The following PELP1 variants were observed in gnomAD, a reference collection of about 807,000 sequenced individuals.
The protein encoded by PELP1 is proline-, glutamic acid- and leucine-rich protein 1.
Under a neutral mutation model 95.5 loss-of-function variants are expected in PELP1, and 32 were observed. That is an observed-to-expected ratio of 0.34 (90% CI 0.25 to 0.45). The LOEUF (loss-of-function observed/expected upper bound fraction) is 0.45. PELP1 is among the 20% of genes least tolerant of loss of function. The probability of loss-of-function intolerance (pLI) is 1.00; values close to 1 mark genes in which losing one functional copy is unlikely to be tolerated. For synonymous variants in PELP1, 668 were observed against 600.1 expected (o/e 1.11, Z -1.65); for missense variants, 1,358 against 1,444.8 (o/e 0.94, Z 0.97).
intron 13 of PELP1, among the ~76,000 whole-genome samples, chr17:4,674,046 C>T (rs557979834): frequency 3.3e-5 from 5 of 152,174 alleles, no homozygotes; most frequent in African/African-American, 9.7e-5. Context: ...TCAGTGGTTA[C>T]GGTGAGAGCA....
rs187862547 is a variant in PELP1 at position 4,673,529 on chromosome 17, C to A, written c.1639-73G>T. 1.3e-3 allele frequency: 2,092 copies of A among 1,561,028 alleles called. 4 individuals carry two copies. Among genetic ancestry groups the A allele is most frequent in the South Asian group, 2.7e-3 (240 of 89,672 alleles). On this transcript the variant is annotated intron_variant, in intron 14 of 16. Transcript: ENST00000572293. This position sits in a 1 kb window ranked among gnomAD's most constrained non-coding sequence, Gnocchi z 5.7. ...CCTTCTCCAGAGCCTACTCCCAGGT[C>A]GGAATGGACCCACCTCTGGGCCACA... is the stretch of plus-strand genomic sequence containing the variant.
chr17:4,672,672 T>C lies in PELP1; in HGVS notation c.2319A>G (p.Ala773=). The C allele has an allele frequency of 6.2e-7, 1 of 1,613,548 alleles. No individual in the cohort carries two copies. Residue 773 remains alanine, a synonymous_variant, in exon 16 of 17, where the codon GCA becomes GCG. Coordinates refer to ENST00000572293, the MANE Select transcript of PELP1 (RefSeq NM_014389.3). ...TTTCCAAGGAGATCTCCACATCAGA[T>C]GCCTCCTCCTTGTCATAGTGGACAA... The part of the protein sequence containing the change: ...PAFVHYDKEE[A]SDVEISLESD...
chr17:4,686,051 C>T (rs1239560901), intron 3 of PELP1, among the ~76,000 whole-genome samples: 1 of 152,100 alleles, frequency 6.6e-6, no homozygotes, highest in South Asian at 2.1e-4. Context: ...GAGCCGAGAC[C>T]GCGCCACTGC....
At chr17:4,677,132 A>AT in intron 5 of PELP1, among the ~76,000 whole-genome samples, 1 of 152,192 alleles carries the variant, frequency 6.6e-6, no homozygotes, top group East Asian at 1.9e-4. Flanking sequence ...GTACTAAAAA[A>AT]CAGTCTCCAC....
intron 13 of PELP1, among the ~76,000 whole-genome samples, chr17:4,674,204 T>C (rs1047455751): frequency 1.3e-5 from 2 of 152,240 alleles, no homozygotes; most frequent in African/African-American, 4.8e-5. Context: ...GGAGGGGCTG[T>C]GTCGGCTACC....
Position 4,673,839 on chromosome 17 carries a change from G to C in PELP1, c.1583-165C>G, listed in dbSNP as rs1567660730. 7.9e-6 allele frequency: 5 copies of C among 633,326 alleles called. No homozygotes were observed. Among genetic ancestry groups the C allele is most frequent in the Non-Finnish European group, 1.1e-5 (4 of 348,434 alleles). 39.2% of individuals were successfully genotyped at this position (633,326 alleles called of 1,614,324 possible). ...TGGGGATCATAAAAGTACCTCTACTGTATAGGGCCACTGACGGTATTTAAT... is the reference window on the plus strand; with the variant it reads ...TGGGGATCATAAAAGTACCTCTACTCTATAGGGCCACTGACGGTATTTAAT... On this transcript the variant is annotated intron_variant, in intron 13 of 16. Transcript: ENST00000572293. The surrounding 1 kb of genome is among the most constrained non-coding windows in gnomAD (Gnocchi z 5.7).
At chr17:4,700,666 T>C (rs1367079458) in intron 1 of PELP1, among the ~76,000 whole-genome samples, 1 of 152,128 alleles carries the variant, frequency 6.6e-6, no homozygotes, top group Non-Finnish European at 1.5e-5. Context: ...GGTTCACCTC[T>C]GTAATCCCAG....
intron 3 of PELP1, among the ~76,000 whole-genome samples, chr17:4,686,469 T>C (rs1912913274): frequency 6.6e-6 from 1 of 152,198 alleles, no homozygotes; most frequent in Non-Finnish European, 1.5e-5. Context: ...CTGCTTCCAA[T>C]CTGTTCCTTT....
At chr17:4,702,620 GTTAAAGACAA>G (rs1913587237) in intron 1 of PELP1, among the ~76,000 whole-genome samples, 1 of 152,184 alleles carries the variant, frequency 6.6e-6, no homozygotes, top group South Asian at 2.1e-4. Flanking sequence ...GCAGAGTAAT[GTTAAAGACAA>G]ACAGATAGGG....
rs547048469 is a variant in PELP1, at chr17:4,698,549, G to A, written c.249+5314C>T. On this transcript the variant is annotated intron_variant, in intron 1 of 16. Coordinates refer to ENST00000572293, the MANE Select transcript of PELP1 (RefSeq NM_014389.3). Reference sequence around the variant, plus strand: ...CCCAGCTACTTGGGAGGCTGAGGCAGGAGAATCGCTTAAACCCAGGGGGCG... The same window carrying A: ...CCCAGCTACTTGGGAGGCTGAGGCAAGAGAATCGCTTAAACCCAGGGGGCG... 2.0e-5 allele frequency among the ~76,000 whole-genome samples: 3 copies of A among 150,116 alleles called. No homozygotes were observed. In the South Asian group the frequency reaches 6.3e-4, roughly 32 times the overall value.
In PELP1 at chr17:4,676,208, C is replaced by T. The variant is rs777971599; in HGVS notation, c.854-46G>A. 6.9e-6 allele frequency: 11 copies of T among 1,604,858 alleles called. No homozygotes were observed. The Admixed American group carries it at 1.7e-4, about 25-fold the overall frequency. ...CTGTACACTGTCTTTCTTCCATCCCCTCCTCTGTCATTTCTGGTGGACGAC... is the reference window on the plus strand; with the variant it reads ...CTGTACACTGTCTTTCTTCCATCCCTTCCTCTGTCATTTCTGGTGGACGAC... On this transcript the variant is annotated intron_variant, in intron 7 of 16. Coordinates refer to ENST00000572293, the MANE Select transcript of PELP1 (RefSeq NM_014389.3).
At chr17:4,671,642 G>A (rs769158840) in intron 16 of PELP1, 49 bp downstream of exon 16, 9 of 1,598,894 alleles carry the variant, frequency 5.6e-6, no homozygotes, top group Non-Finnish European at 6.0e-6. Context: ...CCCTTCTCCC[G>A]CCAGCCCCAC....
At position 4,673,701 on chromosome 17, in the gene PELP1, G is replaced by A. The variant is rs371999066; in HGVS notation, c.1583-27C>T. On this transcript the variant is annotated intron_variant, in intron 13 of 16. Coordinates refer to ENST00000572293, the MANE Select transcript of PELP1 (RefSeq NM_014389.3). This position sits in a 1 kb window ranked among gnomAD's most constrained non-coding sequence, Gnocchi z 5.7. ...TGGGGAAGAAGAATGGTGTGTAAAG[G>A]GTAGGCTCCCAACAGACTGACGGCA... The A allele has an allele frequency of 1.2e-6, 2 of 1,607,402 alleles. No homozygotes were observed. Among genetic ancestry groups the A allele is most frequent in the Non-Finnish European group, 1.7e-6 (2 of 1,174,074 alleles).
intron 1 of PELP1, 33 bp downstream of exon 1, chr17:4,703,830 A>G: frequency 6.3e-7 from 1 of 1,580,360 alleles, no homozygotes; most frequent in South Asian, 1.1e-5. Context: ...CATCCTCCCC[A>G]CAGGGCCGCG....
At chr17:4,690,644 C>A (rs1913065947) in intron 3 of PELP1, among the ~76,000 whole-genome samples, 1 of 152,146 alleles carries the variant, frequency 6.6e-6, no homozygotes, top group Non-Finnish European at 1.5e-5. Flanking sequence ...ATCATTCGAA[C>A]CCAAGAGGCA....
chr17:4,693,623 A>G (rs966140526), intron 1 of PELP1, among the ~76,000 whole-genome samples: 4 of 152,210 alleles, frequency 2.6e-5, no homozygotes, highest in Admixed American at 2.6e-4. Context: ...GATCACCGAG[A>G]TGGTTACAAG....
rs1401399708 is a variant in PELP1 at position 4,670,855 on chromosome 17, A to G, written c.*584T>C. The G allele has an allele frequency of 6.5e-6, 1 of 153,308 alleles. No individual in the cohort carries two copies. Among genetic ancestry groups the G allele is most frequent in the Non-Finnish European group, 1.5e-5 (1 of 68,900 alleles). 9.5% of individuals were successfully genotyped at this position (153,308 alleles called of 1,614,324 possible). ...AACTGTCATTAGGAGGACTAGCCCCAAAACAGAGGTCATTCCCAACGTACC... is the reference window on the plus strand; with the variant it reads ...AACTGTCATTAGGAGGACTAGCCCCGAAACAGAGGTCATTCCCAACGTACC... On this transcript the variant is annotated 3_prime_UTR_variant, in exon 17 of 17. Transcript: ENST00000572293.
Position 4,691,483 on chromosome 17 carries a change from G to A in PELP1, c.250-41C>T, listed in dbSNP as rs375876882. The stretch of plus-strand genomic sequence containing the variant: ...CAGGGAAGCGAGTCACAAACGGGAT[G>A]TTAAAAATGCAGAAGATTCTTCAAG... On this transcript the variant is annotated intron_variant, in intron 1 of 16. Transcript: ENST00000572293. 16 of 1,488,998 alleles carry A rather than the reference G, an allele frequency of 1.1e-5. No individual in the cohort carries two copies. The African/African-American group carries it at 2.1e-4, about 19-fold the overall frequency. 92.2% of individuals were successfully genotyped at this position (1,488,998 alleles called of 1,614,324 possible). A position where few individuals can be genotyped will look rare whatever the true frequency, so the allele number is the denominator to read the frequency against.
rs1912346566 is a variant in PELP1 at position 4,673,970 on chromosome 17, T to TA, written c.1583-297dup. On this transcript the variant is annotated intron_variant, in intron 13 of 16. Coordinates refer to ENST00000572293, the MANE Select transcript of PELP1 (RefSeq NM_014389.3). The surrounding 1 kb of genome is among the most constrained non-coding windows in gnomAD (Gnocchi z 5.7). ...TGGGATGGGGTGGCAGGCAGTGAAA[T>TA]ATATGGGACCCAGAGGAAAGGCATC... 2.5e-6 allele frequency: 1 copy of TA among 406,684 alleles called. No individual in the cohort carries two copies. The highest frequency in any genetic ancestry group is 3.6e-5 in the Admixed American group (1 of 27,690). The allele number at this position is 406,684 out of a possible 1,614,324, so 25.2% of individuals were successfully genotyped here.
Sources: allele counts gnomAD v4.1 joint callset (sites outside exome capture counted in the v4.1 genomes callset), GRCh38; gene constraint gnomAD v4.1.1; non-coding constraint Gnocchi (gnomAD v3.1); transcripts MANE v1.5; gene names NCBI Gene and HGNC (gene_info 2026-07-23, HGNC 2026-07-21).